The following PDS5B variants were observed in gnomAD, a reference collection of about 807,000 sequenced individuals.
PDS5B encodes sister chromatid cohesion protein PDS5 homolog B.
PDS5B carries 51 observed loss-of-function variants against 184.1 expected under a neutral mutation model. That is an observed-to-expected ratio of 0.28 (90% CI 0.22 to 0.35). The LOEUF (loss-of-function observed/expected upper bound fraction) is 0.35, where lower values mean the gene tolerates loss of function less well. Ranked by LOEUF, PDS5B falls within the 10% of genes least tolerant of loss-of-function variation. PDS5B has a pLI of 1.00. For synonymous variants in PDS5B, 566 were observed against 569.2 expected (o/e 0.99, Z 0.08); for missense variants, 1,180 against 1,723.3 (o/e 0.68, Z 5.58).
At chr13:32,614,545 G>T (rs770237006) in intron 1 of PDS5B, among the ~76,000 whole-genome samples, 1 of 152,048 alleles carries the variant, frequency 6.6e-6, no homozygotes, top group East Asian at 1.9e-4. Flanking sequence ...TGAGCTGCCC[G>T]CCTTGGCCTC....
At chr13:32,713,273 C>G (rs1037297624) in intron 19 of PDS5B, among the ~76,000 whole-genome samples, 1 of 152,134 alleles carries the variant, frequency 6.6e-6, no homozygotes, top group Non-Finnish European at 1.5e-5. Context: ...CCGGGAGATG[C>G]TAACTATACT....
At chr13:32,621,472 AAAG>A (rs2058300819) in intron 1 of PDS5B, among the ~76,000 whole-genome samples, 1 of 152,200 alleles carries the variant, frequency 6.6e-6, no homozygotes, top group South Asian at 2.1e-4. Context: ...GTCTCAAAAA[AAAG>A]AGGAGAAGGT....
At position 32,775,329 on chromosome 13, in the gene PDS5B, A is replaced by G; in HGVS notation, c.*277A>G. 1 of 413,468 alleles carries G rather than the reference A, an allele frequency of 2.4e-6. No individual in the cohort carries two copies. The highest frequency in any genetic ancestry group is 4.4e-6 in the Non-Finnish European group (1 of 229,878). 25.6% of individuals were successfully genotyped at this position (413,468 alleles called of 1,614,324 possible). On this transcript the variant is annotated 3_prime_UTR_variant, in exon 35 of 35. Coordinates refer to ENST00000315596, the MANE Select transcript of PDS5B (RefSeq NM_015032.4). ...GTAAATATCTTTTTTCTTTTTTTTA[A>G]TGTTTCTGATTTCTGAAGTGCTTGT...
At chr13:32,659,117 C>G (rs765717996) in intron 5 of PDS5B, 37 bp from the exon 6 acceptor site, 1 of 1,480,002 alleles carries the variant, frequency 6.8e-7, no homozygotes, top group Non-Finnish European at 9.1e-7. Flanking sequence ...CTGTATATCT[C>G]AGTTGTAATT....
At chr13:32,746,437 A>G (rs1953745246) in intron 24 of PDS5B, among the ~76,000 whole-genome samples, 1 of 152,202 alleles carries the variant, frequency 6.6e-6, no homozygotes, top group South Asian at 2.1e-4. Flanking sequence ...CAGTTAATAT[A>G]CAGCCTTGTT....
intron 3 of PDS5B, chr13:32,652,745 G>C (rs938394891): frequency 1.5e-5 from 2 of 137,332 alleles, no homozygotes; most frequent in Non-Finnish European, 3.2e-5. Context: ...GGCTGAGTGA[G>C]ACCATCTCTA....
At chr13:32,619,968 T>G (rs2058273564) in intron 1 of PDS5B, among the ~76,000 whole-genome samples, 2 of 152,064 alleles carry the variant, frequency 1.3e-5, no homozygotes, top group African/African-American at 4.8e-5. Context: ...CCAGCTAATT[T>G]TTATATTTTT....
chr13:32,625,830 C>T, intron 1 of PDS5B, among the ~76,000 whole-genome samples: 1 of 144,472 alleles, frequency 6.9e-6, no homozygotes. Context: ...GCAGCTGAGA[C>T]CAGTATTCTT....
chr13:32,716,427 A>C (rs1566364264), intron 19 of PDS5B, among the ~76,000 whole-genome samples: 1 of 140,578 alleles, frequency 7.1e-6, no homozygotes, highest in South Asian at 2.3e-4. Context: ...CTGCCTGGCA[A>C]CCGCCCCATC....
intron 2 of PDS5B, chr13:32,649,253 A>G (rs941186122): frequency 1.3e-5 from 2 of 158,994 alleles, no homozygotes; most frequent in Non-Finnish European, 2.7e-5. Flanking sequence ...GCTGTGTACT[A>G]CTTTCTTGTA....
chr13:32,691,687 A>T (rs3858847), intron 13 of PDS5B, among the ~76,000 whole-genome samples: 2,952 of 152,106 alleles, frequency 0.019, 65 homozygotes, highest in African/African-American at 0.06. Flanking sequence ...CTTTCAGGAG[A>T]TTTTAATGGG....
At chr13:32,618,283 A>G (rs2058247625) in intron 1 of PDS5B, among the ~76,000 whole-genome samples, 1 of 152,196 alleles carries the variant, frequency 6.6e-6, no homozygotes, top group Non-Finnish European at 1.5e-5. Flanking sequence ...TTACAGATAC[A>G]ATGGTCCTAC....
At chr13:32,588,831 G>T (rs2057730604) in intron 1 of PDS5B, among the ~76,000 whole-genome samples, 1 of 152,222 alleles carries the variant, frequency 6.6e-6, no homozygotes, top group East Asian at 1.9e-4. Context: ...TTGAGCAGTA[G>T]GCTTTATCAA....
chr13:32,651,304 C>T (rs962927768), intron 2 of PDS5B, among the ~76,000 whole-genome samples: 6 of 152,130 alleles, frequency 3.9e-5, no homozygotes, highest in Admixed American at 1.3e-4. Context: ...AGGGATGCAT[C>T]TTTGACATCC....
At chr13:32,645,185 G>C (rs1252702560) in intron 1 of PDS5B, among the ~76,000 whole-genome samples, 1 of 152,048 alleles carries the variant, frequency 6.6e-6, no homozygotes, top group African/African-American at 2.4e-5. Context: ...ATCTCGCTTT[G>C]TTGCCCTGGC....
At chr13:32,758,696 T>C in intron 28 of PDS5B, 43 bp downstream of exon 28, 1 of 1,593,132 alleles carries the variant, frequency 6.3e-7, no homozygotes, top group Non-Finnish European at 8.6e-7. Context: ...AAATAAAATG[T>C]ATTCTCAGCA....
At chr13:32,632,879 G>A (rs778896819) in intron 1 of PDS5B, among the ~76,000 whole-genome samples, 23 of 152,122 alleles carry the variant, frequency 1.5e-4, no homozygotes, top group African/African-American at 5.1e-4. Flanking sequence ...TGAGGCAGGC[G>A]GATCTTGAGG....
intron 6 of PDS5B, among the ~76,000 whole-genome samples, chr13:32,665,588 C>CAA (rs34604938): frequency 0.084 from 2,178 of 25,830 alleles, 648 homozygotes; most frequent in African/African-American, 0.31. Context: ...GACTCCGACT[C>CAA]AAAAAAAAAA....
chr13:32,689,563 C>T (rs1951489062), intron 13 of PDS5B: 1 of 152,018 alleles, frequency 6.6e-6, no homozygotes, highest in Non-Finnish European at 1.5e-5. Flanking sequence ...GCTTGGCAAC[C>T]CTGGTTTAAG....
Sources: gnomAD v4.1 joint callset for allele counts (sites outside exome capture counted in the v4.1 genomes callset) on GRCh38, gnomAD v4.1.1 for gene constraint, MANE v1.5 for transcripts, NCBI Gene and HGNC (gene_info 2026-07-23, HGNC 2026-07-21) for gene names.